The following PCDHA1 variants were observed in gnomAD, a reference collection of about 807,000 sequenced individuals.
The protein encoded by PCDHA1 is protocadherin alpha-1.
A neutral mutation model predicts 61.3 loss-of-function variants in PCDHA1; 42 were observed. That is an observed-to-expected ratio of 0.69 (90% confidence interval 0.54 to 0.89). The LOEUF is 0.89. PCDHA1 is among the 40% of genes least tolerant of loss of function. The pLI, the probability that PCDHA1 is intolerant of heterozygous loss-of-function variation, is 0.00. For synonymous variants in PCDHA1, 610 were observed against 553.8 expected (o/e 1.10, Z -1.43); for missense variants, 1,256 against 1,235.3 (o/e 1.02, Z -0.25).
At chr5:140,892,616 G>A (rs781995267) in intron 1 of PCDHA1, among the ~76,000 whole-genome samples, 1 of 151,910 alleles carries the variant, frequency 6.6e-6, no homozygotes, top group Admixed American at 6.6e-5. Flanking sequence ...TTTATTTCCA[G>A]TTGGTACATA....
At chr5:140,939,789 A>T (rs1259994967) in intron 1 of PCDHA1, among the ~76,000 whole-genome samples, 1 of 152,246 alleles carries the variant, frequency 6.6e-6, no homozygotes, top group African/African-American at 2.4e-5. Flanking sequence ...GTCAATTTCT[A>T]TAAATGTTCT....
At chr5:140,886,664 A>G (rs1404216677) in intron 1 of PCDHA1, among the ~76,000 whole-genome samples, 1 of 151,922 alleles carries the variant, frequency 6.6e-6, no homozygotes, top group East Asian at 1.9e-4. Flanking sequence ...TGTCTCTACT[A>G]AAAATACAAA....
chr5:140,853,640 A>G, intron 1 of PCDHA1: 1 of 988,756 alleles, frequency 1.0e-6, no homozygotes, highest in Non-Finnish European at 1.2e-6. Context: ...CACAGACCTA[A>G]ATTGAGCCTG....
rs564183274 is a variant in PCDHA1, at chr5:140,793,648, C to T, written c.2394+4964C>T. On this transcript the variant is annotated intron_variant, in intron 1 of 3. Coordinates refer to ENST00000504120, the MANE Select transcript of PCDHA1 (RefSeq NM_018900.4). ...GACCCTTTATTATGGATTTTGTATG[C>T]TATCCCACTCCTTGATTCATTTTAT... 5.4e-4 allele frequency among the ~76,000 whole-genome samples: 82 copies of T among 152,272 alleles called. 2 individuals carry two copies. The South Asian group carries it at 0.016, about 30-fold the overall frequency.
intron 1 of PCDHA1, among the ~76,000 whole-genome samples, chr5:140,874,875 C>T (rs1198638735): frequency 2.6e-5 from 4 of 152,134 alleles, no homozygotes; most frequent in African/African-American, 9.7e-5. Flanking sequence ...TTGTTAAATA[C>T]AAATTCCTAA....
At chr5:140,848,405 C>A in intron 1 of PCDHA1, 12 of 1,329,950 alleles carry the variant, frequency 9.0e-6, no homozygotes, top group Non-Finnish European at 1.3e-5. Flanking sequence ...TGAACGATGG[C>A]GAACACAGCA....
At chr5:140,802,467 G>C in intron 1 of PCDHA1, 1 of 1,614,224 alleles carries the variant, frequency 6.2e-7, no homozygotes, top group Non-Finnish European at 8.5e-7. Flanking sequence ...CTATGAGCTG[G>C]TGGTGACTGC....
chr5:140,994,209 A>G (rs2097604620), intron 3 of PCDHA1, among the ~76,000 whole-genome samples: 1 of 152,142 alleles, frequency 6.6e-6, no homozygotes, highest in Non-Finnish European at 1.5e-5. Flanking sequence ...CCAGAATGGG[A>G]CCCAGGGTCT....
chr5:140,829,176 A>C lies in PCDHA1; in HGVS notation c.2394+40492A>C. 4.3e-6 allele frequency: 7 copies of C among 1,614,178 alleles called. No homozygotes were observed. In the South Asian group the frequency reaches 6.6e-5, roughly 15 times the overall value. Reference sequence around the variant, plus strand: ...TCCTTATCCTTGCCTGTACGTGAAGACGCTCAATTTGGTACTGTCATCGCC... The same window carrying C: ...TCCTTATCCTTGCCTGTACGTGAAGCCGCTCAATTTGGTACTGTCATCGCC... On this transcript the variant is annotated intron_variant, in intron 1 of 3. Transcript: ENST00000504120.
At chr5:140,960,763 C>A (rs1424215578) in intron 1 of PCDHA1, among the ~76,000 whole-genome samples, 1 of 151,896 alleles carries the variant, frequency 6.6e-6, no homozygotes, top group Non-Finnish European at 1.5e-5. Flanking sequence ...CCAAGAGTTA[C>A]AGAGGAGAAA....
At position 140,855,973 on chromosome 5, in the gene PCDHA1, T is replaced by A. The variant is rs371048948; in HGVS notation, c.2394+67289T>A. ...TTCGATAAAAAATAGATATAAGAAATAGGACAGAAAATGTCAGATCGTATG... is the reference window on the plus strand; with the variant it reads ...TTCGATAAAAAATAGATATAAGAAAAAGGACAGAAAATGTCAGATCGTATG... On this transcript the variant is annotated intron_variant, in intron 1 of 3. Coordinates refer to ENST00000504120, the MANE Select transcript of PCDHA1 (RefSeq NM_018900.4). 71 of 1,440,548 alleles carry A rather than the reference T, an allele frequency of 4.9e-5. 4 individuals are homozygous for A. The Middle Eastern group carries it at 9.2e-4, about 19-fold the overall frequency. The allele number at this position is 1,440,548 out of a possible 1,614,324, so 89.2% of individuals were successfully genotyped here.
At chr5:140,857,705 T>C in intron 1 of PCDHA1, 1 of 1,597,138 alleles carries the variant, frequency 6.3e-7, no homozygotes, top group Non-Finnish European at 8.6e-7. Flanking sequence ...GCTGCAGGTG[T>C]TCGTGCTGGA....
chr5:140,807,569 G>A (rs952470653), intron 1 of PCDHA1: 5 of 1,614,178 alleles, frequency 3.1e-6, no homozygotes, highest in South Asian at 1.1e-5. Flanking sequence ...GGACATTAAC[G>A]ATAACCCGCC....
intron 1 of PCDHA1, chr5:140,814,784 C>T (rs189663149): frequency 2.3e-4 from 35 of 152,262 alleles, no homozygotes; most frequent in Non-Finnish European, 4.1e-4. Flanking sequence ...TTGGTTGAAA[C>T]GTTGTTATAC....
chr5:140,952,582 G>A (rs552541968), intron 1 of PCDHA1, among the ~76,000 whole-genome samples: 4 of 152,220 alleles, frequency 2.6e-5, no homozygotes, highest in East Asian at 3.9e-4. Context: ...AATCATTCAA[G>A]TAGTCTCTAG....
intron 1 of PCDHA1, chr5:140,842,584 T>C (rs1245274554): frequency 1.3e-6 from 2 of 1,519,626 alleles, no homozygotes. Context: ...TGTCGGCCTA[T>C]GAGTTGGTGG....
chr5:140,915,008 T>C (rs1201776517), intron 1 of PCDHA1, among the ~76,000 whole-genome samples: 1 of 150,866 alleles, frequency 6.6e-6, no homozygotes, highest in Non-Finnish European at 1.5e-5. Context: ...TGCAGTGGCC[T>C]GATCTTGGCT....
intron 1 of PCDHA1, among the ~76,000 whole-genome samples, chr5:140,948,880 C>G (rs1430288840): frequency 6.6e-6 from 1 of 151,410 alleles, no homozygotes; most frequent in Non-Finnish European, 1.5e-5. Flanking sequence ...TTACTTTGCT[C>G]TCTTTTAGAT....
At chr5:140,810,592 A>G (rs1764690093) in intron 1 of PCDHA1, 1 of 152,102 alleles carries the variant, frequency 6.6e-6, no homozygotes, top group African/African-American at 2.4e-5. Flanking sequence ...TTTCTATTTT[A>G]TTTTGGCAAT....
Sources: allele counts gnomAD v4.1 joint callset (sites outside exome capture counted in the v4.1 genomes callset), GRCh38; gene constraint gnomAD v4.1.1; transcripts MANE v1.5; gene names NCBI Gene and HGNC (gene_info 2026-07-23, HGNC 2026-07-21).